Variants in TAF3 observed in about 807,000 individuals in gnomAD.
The protein encoded by TAF3 is TATA-box binding protein associated factor 3, also known as transcription initiation factor TFIID subunit 3.
In TAF3, 7 loss-of-function variants were observed where a neutral mutation model predicts 80.6. The observed-to-expected ratio is 0.09, with a 90% CI of 0.05 to 0.16. TAF3 has a LOEUF of 0.16. Among genes scored for constraint, TAF3 ranks in the 10% least tolerant of loss-of-function variants. The pLI is 1.00. For synonymous variants in TAF3, 444 were observed against 446.1 expected (o/e 1.00, Z 0.06); for missense variants, 921 against 1,140.2 (o/e 0.81, Z 2.77).
chr10:7,888,524 G>A (rs1038975920), intron 2 of TAF3, among the ~76,000 whole-genome samples: 1 of 151,998 alleles, frequency 6.6e-6, no homozygotes, highest in Non-Finnish European at 1.5e-5. Context: ...AGATGTGGAG[G>A]TCTGCAGTGT....
chr10:7,936,066 T>C (rs1837916897), intron 2 of TAF3, among the ~76,000 whole-genome samples: 1 of 152,062 alleles, frequency 6.6e-6, no homozygotes, highest in South Asian at 2.1e-4. Context: ...TGGACTAGTG[T>C]GATTGTATCG....
chr10:7,963,663 G>A (rs972783968), intron 2 of TAF3, among the ~76,000 whole-genome samples: 5 of 152,070 alleles, frequency 3.3e-5, no homozygotes, highest in African/African-American at 1.2e-4. Flanking sequence ...CTGTTGGGAG[G>A]TCGGGGGCTG....
intron 2 of TAF3, among the ~76,000 whole-genome samples, chr10:7,832,542 T>A (rs1342737811): frequency 1.3e-5 from 2 of 151,220 alleles, no homozygotes; most frequent in African/African-American, 4.9e-5. Context: ...ATCATTTCTT[T>A]CTTATTTATT....
intron 2 of TAF3, among the ~76,000 whole-genome samples, chr10:7,893,934 C>T (rs1324063756): frequency 6.6e-6 from 1 of 152,052 alleles, no homozygotes; most frequent in African/African-American, 2.4e-5. Flanking sequence ...GAGGCAGAAC[C>T]AGTCTGTTTC....
chr10:7,992,156 A>G (rs555194444), intron 4 of TAF3, among the ~76,000 whole-genome samples: 2 of 152,194 alleles, frequency 1.3e-5, no homozygotes, highest in Non-Finnish European at 2.9e-5. Flanking sequence ...TTGCTTTTTC[A>G]TAGTAAAAGC....
Position 7,864,743 on chromosome 10 carries a change from G to A in TAF3, c.409+40183G>A, listed in dbSNP as rs916508186. Among the ~76,000 whole-genome samples, 3 of 151,876 alleles carry A rather than the reference G, an allele frequency of 2.0e-5. No homozygotes were observed. In the East Asian group the frequency reaches 5.8e-4, roughly 29 times the overall value. On this transcript the variant is annotated intron_variant, in intron 2 of 6. Coordinates refer to ENST00000344293, the MANE Select transcript of TAF3 (RefSeq NM_031923.4). ...TTTGTTTTCCAAATATTTCCTCTCA[G>A]CCTGTGGTTTGCTTTTTCATTTTAT...
chr10:7,830,882 C>G (rs560417397), intron 2 of TAF3, among the ~76,000 whole-genome samples: 22 of 152,192 alleles, frequency 1.4e-4, no homozygotes, highest in South Asian at 2.1e-4. Flanking sequence ...GCAGAGTGCC[C>G]CACAGTTGGA....
rs1245361113 is a variant in TAF3, at chr10:7,964,410, A to G, written c.900A>G (p.Arg300=). The G allele has an allele frequency of 6.2e-7, 1 of 1,614,032 alleles. No homozygotes were observed. Among genetic ancestry groups the G allele is most frequent in the Non-Finnish European group, 8.5e-7 (1 of 1,180,026 alleles). ...CAGCAATGGTCGGAAGTCCTATTCG[A>G]TCACCAAAAACTGTATCCAAAGAAA... ...QSPAMVGSPI[R]SPKTVSKEKK... Residue 300 remains arginine, a synonymous_variant, in exon 3 of 7, where the codon CGA becomes CGG. Transcript: ENST00000344293. The surrounding 1 kb of genome is among the most constrained non-coding windows in gnomAD (Gnocchi z 4.1).
intron 2 of TAF3, among the ~76,000 whole-genome samples, chr10:7,846,018 G>A (rs1404044128): frequency 6.7e-6 from 1 of 150,282 alleles, no homozygotes; most frequent in East Asian, 2.0e-4. Flanking sequence ...GAGTGCAGTG[G>A]CGCAATCTCG....
chr10:7,996,844 T>C (rs1459312548), intron 4 of TAF3, among the ~76,000 whole-genome samples: 2 of 142,236 alleles, frequency 1.4e-5, no homozygotes, highest in African/African-American at 5.6e-5. Flanking sequence ...CACACTCTAT[T>C]TTTTTTTTTT....
intron 4 of TAF3, among the ~76,000 whole-genome samples, chr10:8,003,915 C>A (rs1033296240): frequency 2.0e-5 from 3 of 151,642 alleles, no homozygotes; most frequent in African/African-American, 7.3e-5. Context: ...CCAGTCATTA[C>A]CAAGTTTTTT....
chr10:7,827,171 A>G (rs889774365), intron 2 of TAF3, among the ~76,000 whole-genome samples: 2 of 152,210 alleles, frequency 1.3e-5, no homozygotes, highest in Non-Finnish European at 2.9e-5. Context: ...TGTGAGAGGC[A>G]CAGCGTGGAC....
intron 4 of TAF3, among the ~76,000 whole-genome samples, chr10:7,982,304 A>G (rs1160192724): frequency 6.6e-6 from 1 of 152,224 alleles, no homozygotes; most frequent in East Asian, 1.9e-4. Context: ...CAAGGGAAGA[A>G]AAAAGAAGCA....
intron 2 of TAF3, among the ~76,000 whole-genome samples, chr10:7,915,014 T>C (rs1015412434): frequency 1.4e-5 from 2 of 142,754 alleles, no homozygotes; most frequent in South Asian, 2.3e-4. Flanking sequence ...AATCTTGGCT[T>C]ACTGCAAGCT....
intron 2 of TAF3, among the ~76,000 whole-genome samples, chr10:7,914,001 G>T (rs1837681640): frequency 6.6e-6 from 1 of 152,098 alleles, no homozygotes; most frequent in South Asian, 2.1e-4. Context: ...AACCATGATT[G>T]TTCAAAAATG....
At chr10:7,833,318 A>C (rs964118571) in intron 2 of TAF3, among the ~76,000 whole-genome samples, 1 of 152,220 alleles carries the variant, frequency 6.6e-6, no homozygotes, top group Non-Finnish European at 1.5e-5. Context: ...ATTCCCACCA[A>C]CAGTGTACAA....
intron 4 of TAF3, among the ~76,000 whole-genome samples, chr10:7,995,993 T>TTAC (rs1261343700): frequency 6.6e-6 from 1 of 152,232 alleles, no homozygotes; most frequent in Non-Finnish European, 1.5e-5. Context: ...TCTTAAGGAC[T>TTAC]GGTACTCTAA....
intron 2 of TAF3, chr10:7,833,682 G>A: frequency 5.3e-6 from 1 of 187,636 alleles, no homozygotes; most frequent in African/African-American, 2.3e-5. Context: ...GAGGAGCCAG[G>A]CATTGGCACG....
intron 4 of TAF3, among the ~76,000 whole-genome samples, chr10:7,998,297 GGTAAT>G (rs1359048018): frequency 6.9e-6 from 1 of 145,892 alleles, no homozygotes; most frequent in Non-Finnish European, 1.5e-5. Flanking sequence ...ATTTAAAAGG[GGTAAT>G]GTAATTGAAC....
Sources: gnomAD v4.1 joint callset for allele counts (sites outside exome capture counted in the v4.1 genomes callset) on GRCh38, gnomAD v4.1.1 for gene constraint, Gnocchi (gnomAD v3.1) non-coding constraint, MANE v1.5 for transcripts, NCBI Gene and HGNC (gene_info 2026-07-23, HGNC 2026-07-21) for gene names.